Variants in KDR observed in about 807,000 individuals in gnomAD.
The protein encoded by KDR is vascular endothelial growth factor receptor 2.
KDR carries 43 observed loss-of-function variants against 160.9 expected under a neutral mutation model. The observed-to-expected ratio is 0.27, with a 90% CI of 0.21 to 0.34. The LOEUF is 0.34. Among genes scored for constraint, KDR ranks in the 10% least tolerant of loss-of-function variants. KDR has a pLI of 1.00. For missense variants in KDR, 1,469 were observed against 1,666.4 expected (o/e 0.88, Z 2.06); for synonymous variants, 617 against 600.1 (o/e 1.03, Z -0.41).
chr4:55,123,643 CA>C (rs1720953143), intron 1 of KDR, among the ~76,000 whole-genome samples: 1 of 152,176 alleles, frequency 6.6e-6, no homozygotes, highest in Non-Finnish European at 1.5e-5. Context: ...CATTCGTTTT[CA>C]TTGGCAAGCT....
intron 6 of KDR, 150 bp downstream of exon 6, chr4:55,113,976 T>C: frequency 1.3e-6 from 1 of 782,372 alleles, no homozygotes; most frequent in Admixed American, 1.9e-5. Flanking sequence ...ATTGTGTGTG[T>C]GTGTATGTGT....
intron 27 of KDR, among the ~76,000 whole-genome samples, chr4:55,084,520 AC>A (rs540918305): frequency 7.2e-4 from 109 of 152,332 alleles, no homozygotes; most frequent in African/African-American, 2.3e-3. Flanking sequence ...CTCATGATTG[AC>A]AAAGCATTTT....
At chr4:55,094,139 G>A (rs985301809) in intron 21 of KDR, among the ~76,000 whole-genome samples, 1 of 152,042 alleles carries the variant, frequency 6.6e-6, no homozygotes, top group Non-Finnish European at 1.5e-5. Flanking sequence ...AACCCAAAAG[G>A]CGAAGGTTTC....
intron 13 of KDR, among the ~76,000 whole-genome samples, chr4:55,103,609 T>A (rs991994845): frequency 1.3e-5 from 2 of 152,252 alleles, no homozygotes; most frequent in African/African-American, 4.8e-5. Context: ...TGGGGATGAC[T>A]TGACCCCAAA....
chr4:55,089,360 T>C lies in KDR; in HGVS notation c.3404+14A>G, dbSNP rs911037049. The C allele has an allele frequency of 6.4e-7, 1 of 1,566,248 alleles. No homozygotes were observed. Among genetic ancestry groups the C allele is most frequent in the Non-Finnish European group, 8.8e-7 (1 of 1,137,906 alleles). On this transcript the variant is annotated intron_variant, in intron 25 of 29. Transcript: ENST00000263923. ...CAAAGAAAGAGAACACAGGAATACT[T>C]CTTAAAGTCTTACATTTCTGGTGTA...
At position 55,115,397 on chromosome 4, in the gene KDR, A is replaced by G; in HGVS notation, c.373T>C (p.Phe125Leu). The G allele has an allele frequency of 1.3e-6, 2 of 1,514,022 alleles. No homozygotes were observed. Among genetic ancestry groups the G allele is most frequent in the Non-Finnish European group, 1.8e-6 (2 of 1,088,914 alleles). 93.8% of individuals were successfully genotyped at this position (1,514,022 alleles called of 1,614,324 possible). A position where few individuals can be genotyped will look rare whatever the true frequency, so the allele number is the denominator to read the frequency against. Reference sequence around the variant, plus strand: ...TGTTGGTCACTAACAGAAGCAATAAATGGAGATCTGTAATCTAGAAGAAAA... The same window carrying G: ...TGTTGGTCACTAACAGAAGCAATAAGTGGAGATCTGTAATCTAGAAGAAAA... The part of the protein sequence containing the change: ...YVYVQDYRSP[F>L]IASVSDQHGV... Residue 125 changes from phenylalanine (F) to leucine (L), a missense_variant, in exon 4 of 30, where the codon TTT becomes CTT. Around this residue, in one of 7 missense-constraint regions of KDR, gnomAD observed 792 missense variants for 840.9 expected, o/e 0.94. Coordinates refer to ENST00000263923, the MANE Select transcript of KDR (RefSeq NM_002253.4).
chr4:55,116,437 G>A (rs76504321), intron 3 of KDR, among the ~76,000 whole-genome samples: 110 of 132,662 alleles, frequency 8.3e-4, no homozygotes, highest in African/African-American at 2.5e-3. Context: ...AAAAAAAAAA[G>A]ATTTCAAGGC....
intron 2 of KDR, among the ~76,000 whole-genome samples, chr4:55,119,836 A>G (rs1428435651): frequency 1.3e-5 from 2 of 152,216 alleles, no homozygotes; most frequent in Admixed American, 6.5e-5. Flanking sequence ...CCCAAGGAAG[A>G]TAAGAAGATA....
Position 55,125,304 on chromosome 4 carries a change from G to C in KDR, c.-11C>G, listed in dbSNP as rs1235783869. 6.2e-7 allele frequency: 1 copy of C among 1,608,916 alleles called. No homozygotes were observed. The highest frequency in any genetic ancestry group is 8.5e-7 in the Non-Finnish European group (1 of 1,178,174). ...CACCTTGCTCTGCATCCTGCACCTC[G>C]AGCCGGGCGAAATGCCCAGAACTCG... is the stretch of plus-strand genomic sequence containing the variant. On this transcript the variant is annotated 5_prime_UTR_variant, in exon 1 of 30. Coordinates refer to ENST00000263923, the MANE Select transcript of KDR (RefSeq NM_002253.4).
chr4:55,103,009 T>C (rs919152554), intron 13 of KDR, among the ~76,000 whole-genome samples: 8 of 152,240 alleles, frequency 5.3e-5, no homozygotes, highest in African/African-American at 1.9e-4. Flanking sequence ...GTTAGCGTTA[T>C]CTCACAGATG....
At chr4:55,092,513 G>T in intron 22 of KDR, 104 bp downstream of exon 22, 1 of 827,864 alleles carries the variant, frequency 1.2e-6, no homozygotes, top group East Asian at 2.6e-5. Context: ...TAGAAGTGGT[G>T]AATGAATTAC....
In KDR at chr4:55,113,370, A is replaced by G. The variant is rs1560522443; in HGVS notation, c.910T>C (p.Leu304=). Residue 304 remains leucine (L), a synonymous_variant, in exon 7 of 30, where the codon TTG becomes CTG. Coordinates refer to ENST00000263923, the MANE Select transcript of KDR (RefSeq NM_002253.4). The part of the protein sequence containing the change: ...IDGVTRSDQG[L]YTCAASSGLM... ...CCACTGGATGCTGCACAGGTGTACAATCCTTGGTCACTCCGGGTTACACCA... is the reference window on the plus strand; with the variant it reads ...CCACTGGATGCTGCACAGGTGTACAGTCCTTGGTCACTCCGGGTTACACCA... 1 of 1,614,060 alleles carries G rather than the reference A, an allele frequency of 6.2e-7. No individual in the cohort carries two copies. Among genetic ancestry groups the G allele is most frequent in the East Asian group, 2.2e-5 (1 of 44,874 alleles).
chr4:55,102,940 C>T (rs2110021702), intron 13 of KDR, among the ~76,000 whole-genome samples: 1 of 152,294 alleles, frequency 6.6e-6, no homozygotes, highest in South Asian at 2.1e-4. Context: ...TCTTATAAAA[C>T]TTGTTTACAC....
intron 15 of KDR, among the ~76,000 whole-genome samples, 165 bp from the exon 16 acceptor site, chr4:55,098,968 CT>C (rs894442412): frequency 2.0e-5 from 3 of 150,562 alleles, no homozygotes; most frequent in African/African-American, 7.3e-5. Context: ...CTACAGAATT[CT>C]TTTTTTGAAT....
chr4:55,113,457 G>T lies in KDR; in HGVS notation c.823C>A (p.Arg275=). 1 of 1,613,790 alleles carries T rather than the reference G, an allele frequency of 6.2e-7. No individual in the cohort carries two copies. Among genetic ancestry groups the T allele is most frequent in the Non-Finnish European group, 8.5e-7 (1 of 1,179,870 alleles). Residue 275 remains arginine, a synonymous_variant, in exon 7 of 30, where the codon CGA becomes AGA. Transcript: ENST00000263923. The stretch of plus-strand genomic sequence containing the variant: ...CTCCCAGACTGGGTTTTTAGGTCTC[G>T]GTTTACAAGTTTCTTATGCTGATGC... ...SKHQHKKLVN[R]DLKTQSGSEM...
intron 9 of KDR, among the ~76,000 whole-genome samples, chr4:55,109,841 A>G (rs980711390): frequency 6.6e-6 from 1 of 152,140 alleles, no homozygotes; most frequent in Non-Finnish European, 1.5e-5. Flanking sequence ...AATTATCTTT[A>G]CATCAAAAAC....
At chr4:55,116,024 T>C (rs1466739040) in intron 3 of KDR, among the ~76,000 whole-genome samples, 1 of 152,222 alleles carries the variant, frequency 6.6e-6, no homozygotes, top group African/African-American at 2.4e-5. Context: ...TCTAAAACCA[T>C]GTTTAATTGT....
chr4:55,095,578 T>C lies in KDR; in HGVS notation c.2816A>G (p.Lys939Arg), dbSNP rs776950924. 3.1e-6 allele frequency: 5 copies of C among 1,605,422 alleles called. No individual in the cohort carries two copies. The highest frequency in any genetic ancestry group is 4.3e-6 in the Non-Finnish European group (5 of 1,172,268). Residue 939 changes from lysine to arginine, a missense_variant and splice_region_variant, in exon 20 of 30, where the codon AAG (lysine) becomes AGG (arginine). By Grantham distance (26) the Lys-to-Arg change is conservative (BLOSUM62 2). This residue lies in a region of KDR where 151 missense variants were observed against 207.2 expected (regional missense o/e 0.73). Transcript: ENST00000263923. ...RSKRNEFVPY[K>R]TKGARFRQGK... ...GAGCAGGATTAGGAGATGACATACC[T>C]TGTAGGGGACAAATTCATTTCTCTT...
At position 55,102,351 on chromosome 4, in the gene KDR, A is replaced by G. The variant is rs1355717217; in HGVS notation, c.2134+11T>C. ...TCTGCAACCCAAGAGTGATAGCCAA[A>G]TTCTATTTACCTGAGTCTTCTACAA... On this transcript the variant is annotated intron_variant, in intron 14 of 29. Transcript: ENST00000263923. The G allele has an allele frequency of 1.9e-6, 3 of 1,613,270 alleles. No individual in the cohort carries two copies. Among genetic ancestry groups the G allele is most frequent in the African/African-American group, 2.7e-5 (2 of 74,882 alleles).
Sources: gnomAD v4.1 joint callset for allele counts (sites outside exome capture counted in the v4.1 genomes callset) on GRCh38, gnomAD v4.1.1 for gene constraint, gnomAD v4.1.1 regional missense constraint, MANE v1.5 for transcripts, NCBI Gene and HGNC (gene_info 2026-07-23, HGNC 2026-07-21) for gene names.